The following CCSER1 variants were observed in gnomAD, a reference collection of about 807,000 sequenced individuals.
The protein encoded by CCSER1 is serine-rich coiled-coil domain-containing protein 1.
CCSER1 carries 41 observed loss-of-function variants against 82.0 expected under a neutral mutation model. That is an observed-to-expected ratio of 0.50 (90% confidence interval 0.39 to 0.65). The LOEUF (loss-of-function observed/expected upper bound fraction) is 0.65, where lower values mean the gene tolerates loss of function less well. Among genes scored for constraint, CCSER1 ranks in the 30% least tolerant of loss-of-function variants. The pLI is 0.00. For synonymous variants in CCSER1, 414 were observed against 383.9 expected, an observed-to-expected ratio of 1.08 and a Z score of -0.92; for missense variants, 1,119 against 1,064.2, an observed-to-expected ratio of 1.05 and a Z score of -0.72.
chr4:91,127,774 T>G (rs1016597347), intron 10 of CCSER1, among the ~76,000 whole-genome samples: 1 of 152,054 alleles, frequency 6.6e-6, no homozygotes, highest in Admixed American at 6.6e-5. Context: ...ATCGAAGAAT[T>G]AGGCACATTT....
intron 7 of CCSER1, among the ~76,000 whole-genome samples, chr4:90,773,492 G>A (rs1269782862): frequency 4.6e-5 from 7 of 152,142 alleles, no homozygotes; most frequent in Admixed American, 4.6e-4. Context: ...ATTATTGTTA[G>A]TGATGATGGT....
intron 4 of CCSER1, among the ~76,000 whole-genome samples, chr4:90,465,543 C>A (rs763211195): frequency 6.6e-6 from 1 of 152,032 alleles, no homozygotes; most frequent in Non-Finnish European, 1.5e-5. Flanking sequence ...TTTCTTTTCT[C>A]TACTTTCATT....
intron 10 of CCSER1, among the ~76,000 whole-genome samples, chr4:91,153,686 T>A (rs766693250): frequency 2.0e-4 from 30 of 151,928 alleles, no homozygotes; most frequent in Admixed American, 7.2e-4. Context: ...CGATGGTGTT[T>A]TGGTGTGGAT....
chr4:91,317,410 C>T (rs903608839), intron 10 of CCSER1, among the ~76,000 whole-genome samples: 1 of 151,872 alleles, frequency 6.6e-6, no homozygotes, highest in African/African-American at 2.4e-5. Context: ...GAGGCAATTA[C>T]CCTATTTAAA....
chr4:91,592,284 A>C (rs1764304847), intron 10 of CCSER1, among the ~76,000 whole-genome samples: 1 of 152,182 alleles, frequency 6.6e-6, no homozygotes, highest in Non-Finnish European at 1.5e-5. Flanking sequence ...TGATCTCGTG[A>C]GAACTCATTC....
chr4:90,224,395 C>T (rs547445324), intron 1 of CCSER1, among the ~76,000 whole-genome samples: 18 of 152,216 alleles, frequency 1.2e-4, no homozygotes, highest in Non-Finnish European at 1.5e-4. Context: ...ATGGATTACT[C>T]GGGGTGCTGC....
At chr4:90,950,684 A>T (rs1732810577) in intron 9 of CCSER1, among the ~76,000 whole-genome samples, 2 of 152,134 alleles carry the variant, frequency 1.3e-5, no homozygotes, top group South Asian at 4.1e-4. Context: ...ATATATGGCC[A>T]TTAAAAACAG....
At chr4:90,424,090 C>CAA (rs983353518) in intron 4 of CCSER1, among the ~76,000 whole-genome samples, 2 of 84,630 alleles carry the variant, frequency 2.4e-5, no homozygotes, top group African/African-American at 4.4e-5. Flanking sequence ...GTCTCTGTCT[C>CAA]AAAAAAAAAA....
chr4:91,419,662 T>C (rs1753583449), intron 10 of CCSER1, among the ~76,000 whole-genome samples: 1 of 151,996 alleles, frequency 6.6e-6, no homozygotes, highest in Middle Eastern at 3.2e-3. Context: ...GCAATCCTTA[T>C]CAGAATTCCA....
chr4:91,264,549 T>C (rs572392099), intron 10 of CCSER1, among the ~76,000 whole-genome samples: 1 of 152,148 alleles, frequency 6.6e-6, no homozygotes, highest in East Asian at 1.9e-4. Flanking sequence ...AGCACAATCC[T>C]GGATATTTTT....
chr4:90,917,431 G>A (rs566602076), intron 8 of CCSER1, among the ~76,000 whole-genome samples: 15 of 152,130 alleles, frequency 9.9e-5, no homozygotes, highest in Admixed American at 2.6e-4. Context: ...AACAAACACC[G>A]CATGTTCTCA....
intron 10 of CCSER1, among the ~76,000 whole-genome samples, chr4:91,187,765 C>T (rs981706611): frequency 6.6e-6 from 1 of 152,070 alleles, no homozygotes; most frequent in Non-Finnish European, 1.5e-5. Context: ...ATTGGCCAGG[C>T]TGGTCTCAAA....
chr4:91,027,925 C>A (rs142232876), intron 9 of CCSER1, among the ~76,000 whole-genome samples: 5 of 152,014 alleles, frequency 3.3e-5, no homozygotes, highest in African/African-American at 1.2e-4. Flanking sequence ...AACTCTGTTG[C>A]AATGTCATTC....
At chr4:90,521,018 G>C (rs1157246504) in intron 5 of CCSER1, among the ~76,000 whole-genome samples, 5 of 152,208 alleles carry the variant, frequency 3.3e-5, no homozygotes, top group Non-Finnish European at 7.3e-5. Flanking sequence ...ATAATTACTT[G>C]TAATCCTTGA....
chr4:91,277,575 T>C (rs2149196102), intron 10 of CCSER1, among the ~76,000 whole-genome samples: 1 of 151,656 alleles, frequency 6.6e-6, no homozygotes, highest in South Asian at 2.1e-4. Context: ...TTTTCCTCTT[T>C]TTCTTGGTTA....
intron 10 of CCSER1, among the ~76,000 whole-genome samples, chr4:91,247,014 G>A (rs1739840917): frequency 6.6e-6 from 1 of 151,952 alleles, no homozygotes; most frequent in Non-Finnish European, 1.5e-5. Flanking sequence ...TAAAAATACT[G>A]GAATTGGCCC....
At chr4:90,870,862 A>T (rs1463169463) in intron 8 of CCSER1, among the ~76,000 whole-genome samples, 1 of 143,750 alleles carries the variant, frequency 7.0e-6, no homozygotes. Context: ...TATGGCTTAA[A>T]TCTCATTACT....
At chr4:90,328,622 C>A (rs1289836723) in intron 3 of CCSER1, among the ~76,000 whole-genome samples, 2 of 152,154 alleles carry the variant, frequency 1.3e-5, no homozygotes, top group South Asian at 2.1e-4. Flanking sequence ...GCAAAAGTTG[C>A]GGGCATTGTG....
At chr4:91,155,090 G>T (rs936898876) in intron 10 of CCSER1, among the ~76,000 whole-genome samples, 1 of 151,706 alleles carries the variant, frequency 6.6e-6, no homozygotes, top group Non-Finnish European at 1.5e-5. Context: ...AATTCTTTGG[G>T]CTTGTCATAA....
Sources: allele counts gnomAD v4.1 joint callset (sites outside exome capture counted in the v4.1 genomes callset), GRCh38; gene constraint gnomAD v4.1.1; transcripts MANE v1.5; gene names NCBI Gene and HGNC (gene_info 2026-07-23, HGNC 2026-07-21).